The following SPAG17 variants were observed in gnomAD, a reference collection of about 807,000 sequenced individuals.
The protein encoded by SPAG17 is sperm associated antigen 17.
SPAG17 carries 169 observed loss-of-function variants against 273.6 expected under a neutral mutation model. The ratio of observed to expected loss-of-function variants is 0.62; its 90% confidence interval spans 0.55 to 0.70. The LOEUF (loss-of-function observed/expected upper bound fraction) is 0.70, where lower values mean the gene tolerates loss of function less well. SPAG17 is among the 30% of genes least tolerant of loss of function. The probability of loss-of-function intolerance (pLI) is 0.00; values close to 1 mark genes in which losing one functional copy is unlikely to be tolerated. For synonymous variants in SPAG17, 825 were observed against 873.2 expected, an observed-to-expected ratio of 0.94 and a Z score of 0.97; for missense variants, 2,557 against 2,627.8, an observed-to-expected ratio of 0.97 and a Z score of 0.59.
chr1:118,010,438 A>C (rs1659357860), intron 30 of SPAG17, among the ~76,000 whole-genome samples: 1 of 152,178 alleles, frequency 6.6e-6, no homozygotes, highest in South Asian at 2.1e-4. Context: ...GATCTTAAAC[A>C]AATCAACAAA....
At chr1:118,013,895 T>C (rs755691947) in intron 29 of SPAG17, among the ~76,000 whole-genome samples, 12 of 152,130 alleles carry the variant, frequency 7.9e-5, no homozygotes, top group Non-Finnish European at 1.5e-4. Flanking sequence ...TATCTCCAGT[T>C]TATGAATAAG....
At chr1:118,131,363 A>C (rs1658043079) in intron 3 of SPAG17, among the ~76,000 whole-genome samples, 1 of 152,038 alleles carries the variant, frequency 6.6e-6, no homozygotes, top group Admixed American at 6.6e-5. Context: ...CCTCCTTCAG[A>C]TTTTTATTCA....
chr1:118,103,116 T>C (rs922430048), intron 4 of SPAG17, among the ~76,000 whole-genome samples: 1 of 152,088 alleles, frequency 6.6e-6, no homozygotes, highest in Non-Finnish European at 1.5e-5. Context: ...GGCTAGAGCA[T>C]ATGTAAATGG....
At chr1:118,081,348 T>C (rs766140657) in intron 14 of SPAG17, 29 bp from the exon 15 acceptor site, 57 of 1,611,686 alleles carry the variant, frequency 3.5e-5, no homozygotes, top group Non-Finnish European at 4.5e-5. Context: ...ATCCATGAGA[T>C]ACAATATGAG....
chr1:118,028,535 T>C, intron 25 of SPAG17, 141 bp from the exon 26 acceptor site: 1 of 992,062 alleles, frequency 1.0e-6, no homozygotes, highest in Non-Finnish European at 1.4e-6. Flanking sequence ...CGCAGGAGTC[T>C]CTGTGGTTTT....
In SPAG17 at chr1:118,008,178, T is replaced by G. The variant is rs1659102241; in HGVS notation, c.4453A>C (p.Thr1485Pro). 1 of 1,613,922 alleles carries G rather than the reference T, an allele frequency of 6.2e-7. No homozygotes were observed. Among genetic ancestry groups the G allele is most frequent in the Non-Finnish European group, 8.5e-7 (1 of 1,179,948 alleles). Reference protein sequence around the residue: ...QETTEGPRTVTRQVKCMRVES... With the variant: ...QETTEGPRTVPRQVKCMRVES... ...ACCCGCATACACTTCACCTGCCTGG[T>G]GACAGTCCGAGGACCCTCGGCTACA... The change falls in exon 31 of 49, where the codon ACC (threonine) becomes CCC (proline). Residue 1485 changes from threonine (T) to proline (P), a missense_variant. Physicochemically the swap from Thr to Pro is conservative, Grantham distance 38. Coordinates refer to ENST00000336338, the MANE Select transcript of SPAG17 (RefSeq NM_206996.4).
chr1:118,049,438 T>C (rs1650747097), intron 20 of SPAG17, among the ~76,000 whole-genome samples: 1 of 152,182 alleles, frequency 6.6e-6, no homozygotes, highest in Non-Finnish European at 1.5e-5. Context: ...TCAATAAATG[T>C]GACATGCCAT....
At chr1:118,006,107 G>A (rs372822108) in intron 31 of SPAG17, among the ~76,000 whole-genome samples, 11 of 152,098 alleles carry the variant, frequency 7.2e-5, no homozygotes, top group East Asian at 1.9e-4. Context: ...ATCTTTTTCC[G>A]AAATATAATT....
chr1:118,121,107 G>A (rs1041330877), intron 3 of SPAG17, among the ~76,000 whole-genome samples: 1 of 152,030 alleles, frequency 6.6e-6, no homozygotes, highest in Non-Finnish European at 1.5e-5. Flanking sequence ...TTCCCTGCCT[G>A]GAGTTGCTGT....
intron 32 of SPAG17, among the ~76,000 whole-genome samples, chr1:117,999,965 T>C (rs557612157): frequency 6.6e-6 from 1 of 152,348 alleles, no homozygotes; most frequent in Non-Finnish European, 1.5e-5. Context: ...AGGTCTAACA[T>C]GTAAGTCTTT....
In SPAG17 at chr1:118,097,849, G is replaced by T; in HGVS notation, c.832C>A (p.Leu278Ile). ...TCTTTCTTCAATTTTTCTGCTTCTA[G>T]ATCTAATAATAGCAACATGTTTATA... is the stretch of plus-strand genomic sequence containing the variant. The part of the protein sequence containing the change: ...QQEVLLQSED[L>I]EAEKLKKENA... The change falls in exon 7 of 49, where the codon CTA becomes ATA. Residue 278 changes from leucine (L) to isoleucine (I), a missense_variant and splice_region_variant. Coordinates refer to ENST00000336338, the MANE Select transcript of SPAG17 (RefSeq NM_206996.4). 6.4e-7 allele frequency: 1 copy of T among 1,572,806 alleles called. No homozygotes were observed. The highest frequency in any genetic ancestry group is 8.6e-7 in the Non-Finnish European group (1 of 1,162,630).
chr1:118,118,085 T>G (rs546205956), intron 3 of SPAG17, among the ~76,000 whole-genome samples: 3 of 152,332 alleles, frequency 2.0e-5, no homozygotes, highest in East Asian at 1.9e-4. Flanking sequence ...TAGTTTGGTC[T>G]CAGATGAAAA....
chr1:117,975,864 A>C (rs558031548), intron 43 of SPAG17, among the ~76,000 whole-genome samples: 2 of 152,212 alleles, frequency 1.3e-5, no homozygotes, highest in East Asian at 3.8e-4. Context: ...TGCATGTATC[A>C]GTCTAATAAG....
rs200703330 is a variant in SPAG17 at position 118,039,447 on chromosome 1, G to A, written c.3167-3C>T. ...TCTCACTTTGATAAAAGTTGGGCCT[G>A]AGGAGGAACCATAGAATAGAAGATG... On this transcript the variant is annotated splice_region_variant and splice_polypyrimidine_tract_variant and intron_variant, in intron 22 of 48. Coordinates refer to ENST00000336338, the MANE Select transcript of SPAG17 (RefSeq NM_206996.4). 1 of 1,613,022 alleles carries A rather than the reference G, an allele frequency of 6.2e-7. No individual in the cohort carries two copies. Among genetic ancestry groups the A allele is most frequent in the East Asian group, 2.2e-5 (1 of 44,856 alleles).
At chr1:118,041,547 T>C (rs1469875025) in intron 21 of SPAG17, among the ~76,000 whole-genome samples, 1 of 152,070 alleles carries the variant, frequency 6.6e-6, no homozygotes, top group Non-Finnish European at 1.5e-5. Flanking sequence ...GTGTCAAATT[T>C]CTGTGTTTAT....
At chr1:118,157,299 T>C (rs1659702037) in intron 1 of SPAG17, among the ~76,000 whole-genome samples, 1 of 152,136 alleles carries the variant, frequency 6.6e-6, no homozygotes, top group African/African-American at 2.4e-5. Context: ...ATTCCCTCTA[T>C]TGCATACAAA....
chr1:118,028,924 C>T (rs545315394), intron 25 of SPAG17, among the ~76,000 whole-genome samples: 2 of 152,286 alleles, frequency 1.3e-5, no homozygotes, highest in South Asian at 4.1e-4. Flanking sequence ...TCTTCCTCTT[C>T]TGCCATGTGA....
chr1:118,083,004 T>A (rs183688561), intron 13 of SPAG17, among the ~76,000 whole-genome samples: 7 of 152,196 alleles, frequency 4.6e-5, no homozygotes, highest in African/African-American at 1.7e-4. Context: ...GTTCTTATTG[T>A]TGCTTTTTGT....
chr1:118,086,030 G>A lies in SPAG17; in HGVS notation c.1654C>T (p.Gln552Ter). The A allele has an allele frequency of 6.2e-7, 1 of 1,613,738 alleles. No individual in the cohort carries two copies. The highest frequency in any genetic ancestry group is 8.5e-7 in the Non-Finnish European group (1 of 1,179,896). The change falls in exon 13 of 49, where the codon CAG (glutamine) becomes TAG (stop). Residue 552 changes from glutamine (Q) to a stop codon, truncating the protein, a stop_gained. Coordinates refer to ENST00000336338, the MANE Select transcript of SPAG17 (RefSeq NM_206996.4). LOFTEE classifies it high-confidence loss of function. ...FDPVQIEQEM[Q>*]SKLPLWEFLQ... Reference sequence around the variant, plus strand: ...AATTCCCACAGTGGCAACTTGGACTGCATCTCCTGCTCAATTTGAACTGGA... The same window carrying A: ...AATTCCCACAGTGGCAACTTGGACTACATCTCCTGCTCAATTTGAACTGGA...
Sources: gnomAD v4.1 joint callset for allele counts (sites outside exome capture counted in the v4.1 genomes callset) on GRCh38, gnomAD v4.1.1 for gene constraint, MANE v1.5 for transcripts, NCBI Gene and HGNC (gene_info 2026-07-23, HGNC 2026-07-21) for gene names.